The following REV3L variants were observed in gnomAD, a reference collection of about 807,000 sequenced individuals.
The protein encoded by REV3L is DNA polymerase zeta catalytic subunit.
Under a neutral mutation model 299.4 loss-of-function variants are expected in REV3L, and 69 were observed. The ratio of observed to expected loss-of-function variants is 0.23; its 90% CI spans 0.19 to 0.28. REV3L has a LOEUF of 0.28. Among genes scored for constraint, REV3L ranks in the 10% least tolerant of loss-of-function variants. The pLI is 1.00. For synonymous variants in REV3L, 1,238 were observed against 1,271.4 expected, an observed-to-expected ratio of 0.97 and a Z score of 0.56; for missense variants, 3,128 against 3,693.8, an observed-to-expected ratio of 0.85 and a Z score of 3.97.
chr6:111,393,085 T>A, intron 4 of REV3L, 113 bp from the exon 5 acceptor site: 1 of 615,214 alleles, frequency 1.6e-6, no homozygotes, highest in Non-Finnish European at 2.9e-6. Context: ...TTGCCCAGGC[T>A]GGAGTACAGT....
intron 26 of REV3L, among the ~76,000 whole-genome samples, chr6:111,321,227 A>G (rs1447919041): frequency 2.6e-5 from 4 of 152,200 alleles, no homozygotes; most frequent in African/African-American, 9.6e-5. Context: ...GGCCTAAATA[A>G]TATCAAAATC....
chr6:111,411,763 A>G (rs1784276278), intron 2 of REV3L, among the ~76,000 whole-genome samples: 2 of 152,182 alleles, frequency 1.3e-5, no homozygotes, highest in Admixed American at 6.5e-5. Context: ...AAAAAGTGTA[A>G]AAAATATCAC....
intron 1 of REV3L, among the ~76,000 whole-genome samples, chr6:111,435,661 A>G (rs1423412642): frequency 2.0e-5 from 3 of 152,246 alleles, no homozygotes; most frequent in Admixed American, 6.5e-5. Flanking sequence ...CATATACAAA[A>G]GTCAAAATGG....
chr6:111,377,644 CAAAT>C, intron 12 of REV3L, 53 bp downstream of exon 12: 1 of 1,550,876 alleles, frequency 6.4e-7, no homozygotes, highest in Non-Finnish European at 8.8e-7. Context: ...GCCTCAAAAT[CAAAT>C]ACATTTTTAG....
intron 3 of REV3L, among the ~76,000 whole-genome samples, chr6:111,407,032 C>T (rs1783714865): frequency 1.3e-5 from 2 of 151,966 alleles, no homozygotes; most frequent in Admixed American, 6.6e-5. Flanking sequence ...ACCACCTGAG[C>T]CCAGGAGTTC....
intron 25 of REV3L, among the ~76,000 whole-genome samples, chr6:111,326,584 A>G (rs1037907931): frequency 6.7e-6 from 1 of 149,720 alleles, no homozygotes; most frequent in Non-Finnish European, 1.5e-5. Context: ...TATGATCCAG[A>G]TATCCCACTG....
chr6:111,314,469 C>T (rs1196701405), intron 27 of REV3L, among the ~76,000 whole-genome samples: 2 of 152,096 alleles, frequency 1.3e-5, no homozygotes, highest in East Asian at 1.9e-4. Flanking sequence ...AACAAGCAGC[C>T]CCGGTGAAAG....
At chr6:111,327,845 T>A (rs1157015440) in intron 25 of REV3L, among the ~76,000 whole-genome samples, 4 of 152,186 alleles carry the variant, frequency 2.6e-5, no homozygotes, top group Non-Finnish European at 5.9e-5. Flanking sequence ...CTATAGATGG[T>A]ATTTTGCTGC....
intron 3 of REV3L, among the ~76,000 whole-genome samples, chr6:111,409,500 C>CTTAGTATAATAAAGATCTTAGTATT (rs1308537310): frequency 2.0e-5 from 3 of 151,932 alleles, no homozygotes; most frequent in African/African-American, 4.8e-5. Context: ...TCAGTATAAT[C>CTTAGTATAATAAAGATCTTAGTATT]TTAGTATAAT....
At position 111,367,462 on chromosome 6, in the gene REV3L, T is replaced by A; in HGVS notation, c.6326A>T (p.Asp2109Val). The change falls in exon 14 of 32, where the codon GAT becomes GTT. Residue 2109 changes from aspartate (D) to valine (V), a missense_variant. Around this residue, in one of 9 missense-constraint regions of REV3L, gnomAD observed 2,409 missense variants for 2,611.8 expected, o/e 0.92. Transcript: ENST00000368802. ...ATAACTAATGTAATAGTTATCATCATCATCTTCATCTTTTTCGGGATCACT... is the reference window on the plus strand; with the variant it reads ...ATAACTAATGTAATAGTTATCATCAACATCTTCATCTTTTTCGGGATCACT... The part of the protein sequence containing the change: ...SASDPEKDED[D>V]DDNYYISYSS... 1 of 1,608,850 alleles carries A rather than the reference T, an allele frequency of 6.2e-7. No homozygotes were observed. Among genetic ancestry groups the A allele is most frequent in the Non-Finnish European group, 8.5e-7 (1 of 1,176,894 alleles).
At chr6:111,417,933 C>T (rs1165673990) in intron 1 of REV3L, among the ~76,000 whole-genome samples, 1 of 152,182 alleles carries the variant, frequency 6.6e-6, no homozygotes, top group East Asian at 1.9e-4. Context: ...TTGGCTATTT[C>T]ATTTCTAAAT....
chr6:111,411,672 A>AC (rs1554224724), intron 2 of REV3L, 118 bp from the exon 3 acceptor site: 2 of 665,738 alleles, frequency 3.0e-6, no homozygotes, highest in East Asian at 2.9e-5. Flanking sequence ...AATATTATCC[A>AC]CCCCCCAAAA....
intron 21 of REV3L, among the ~76,000 whole-genome samples, chr6:111,336,230 G>GA (rs2114857551): frequency 6.6e-6 from 1 of 151,674 alleles, no homozygotes; most frequent in African/African-American, 2.4e-5. Flanking sequence ...ACCTTCTTAA[G>GA]AAAACAAACA....
At chr6:111,396,612 T>C (rs575882828) in intron 4 of REV3L, among the ~76,000 whole-genome samples, 1 of 152,282 alleles carries the variant, frequency 6.6e-6, no homozygotes, top group Non-Finnish European at 1.5e-5. Flanking sequence ...AGTAAAGCCA[T>C]CCAGACCTGG....
intron 1 of REV3L, among the ~76,000 whole-genome samples, chr6:111,478,489 A>T (rs1793210542): frequency 6.6e-6 from 1 of 152,190 alleles, no homozygotes; most frequent in Admixed American, 6.5e-5. Context: ...GTGTTATATG[A>T]TCTTAAAATA....
At chr6:111,411,395 A>C in intron 3 of REV3L, 85 bp downstream of exon 3, 1 of 840,978 alleles carries the variant, frequency 1.2e-6, no homozygotes. Flanking sequence ...ACTACAAACT[A>C]TAGAGGCCTT....
chr6:111,417,217 C>G (rs140385512), intron 1 of REV3L, among the ~76,000 whole-genome samples: 247 of 152,214 alleles, frequency 1.6e-3, no homozygotes, highest in African/African-American at 5.5e-3. Context: ...CAATCCAGCA[C>G]AGCCATGATA....
chr6:111,332,179 C>G (rs1372792412), intron 23 of REV3L, among the ~76,000 whole-genome samples: 2 of 152,122 alleles, frequency 1.3e-5, no homozygotes, highest in Admixed American at 1.3e-4. Context: ...TCATGCCATT[C>G]TCCTGCCTCA....
chr6:111,403,914 C>T (rs146382834), intron 4 of REV3L, among the ~76,000 whole-genome samples: 93 of 152,286 alleles, frequency 6.1e-4, no homozygotes, highest in Non-Finnish European at 1.1e-3. Context: ...CAATGGAACA[C>T]ACAAACGATG....
Sources: allele counts gnomAD v4.1 joint callset (sites outside exome capture counted in the v4.1 genomes callset), GRCh38; gene constraint gnomAD v4.1.1; regional missense constraint gnomAD v4.1.1; transcripts MANE v1.5; gene names NCBI Gene and HGNC (gene_info 2026-07-23, HGNC 2026-07-21).